The following HDAC9 variants were observed in gnomAD, a reference collection of about 807,000 sequenced individuals.
HDAC9 encodes the protein histone deacetylase 9, also known as MEF-2 interacting transcription repressor (MITR) protein.
Under a neutral mutation model 139.4 loss-of-function variants are expected in HDAC9, and 41 were observed. The ratio of observed to expected loss-of-function variants is 0.29; its 90% CI spans 0.23 to 0.38. The LOEUF (loss-of-function observed/expected upper bound fraction) is 0.38, where lower values mean the gene tolerates loss of function less well. HDAC9 is among the 10% of genes least tolerant of loss of function. The pLI, the probability that HDAC9 is intolerant of heterozygous loss-of-function variation, is 1.00. For missense variants in HDAC9, 1,147 were observed against 1,297.0 expected (o/e 0.88, Z 1.78); for synonymous variants, 517 against 476.2 (o/e 1.09, Z -1.12).
At chr7:18,858,829 T>C (rs754691882) in intron 21 of HDAC9, among the ~76,000 whole-genome samples, 3 of 152,224 alleles carry the variant, frequency 2.0e-5, no homozygotes, top group South Asian at 2.1e-4. Flanking sequence ...GTCTCATTTT[T>C]ACCATGTCCT....
chr7:18,682,656 A>G (rs188523982), intron 12 of HDAC9, among the ~76,000 whole-genome samples: 1 of 152,088 alleles, frequency 6.6e-6, no homozygotes, highest in South Asian at 2.1e-4. Context: ...TGAAAATGTT[A>G]TAAAGTATAA....
intron 1 of HDAC9, among the ~76,000 whole-genome samples, chr7:18,131,124 A>C (rs1351179534): frequency 1.3e-5 from 2 of 152,154 alleles, no homozygotes; most frequent in East Asian, 3.9e-4. Flanking sequence ...GACAAATTGC[A>C]CAAAGCTTCC....
intron 6 of HDAC9, among the ~76,000 whole-genome samples, chr7:18,609,267 A>G (rs1836421489): frequency 6.6e-6 from 1 of 152,194 alleles, no homozygotes; most frequent in Admixed American, 6.5e-5. Context: ...GCCACTTGAA[A>G]TTGAACACTT....
chr7:18,356,505 C>T (rs1362767912), intron 1 of HDAC9, among the ~76,000 whole-genome samples: 1 of 151,772 alleles, frequency 6.6e-6, no homozygotes, highest in Non-Finnish European at 1.5e-5. Context: ...GTGACTCCTG[C>T]GAATGAATCC....
intron 1 of HDAC9, among the ~76,000 whole-genome samples, chr7:18,375,796 C>T (rs1784953659): frequency 6.6e-6 from 1 of 152,198 alleles, no homozygotes; most frequent in Non-Finnish European, 1.5e-5. Flanking sequence ...TAACCAGCTG[C>T]AAGGTCCTGG....
intron 11 of HDAC9, among the ~76,000 whole-genome samples, chr7:18,654,436 C>T (rs139392398): frequency 7.2e-5 from 11 of 152,176 alleles, no homozygotes; most frequent in African/African-American, 2.4e-4. Context: ...AGCTGGACTC[C>T]ATACCAGAAT....
chr7:18,674,985 TATA>T (rs1269475510), intron 12 of HDAC9, among the ~76,000 whole-genome samples: 1 of 152,020 alleles, frequency 6.6e-6, no homozygotes, highest in Non-Finnish European at 1.5e-5. Context: ...TAGATAAAAA[TATA>T]ATATCTAGAT....
At chr7:18,399,771 T>C (rs1272958997) in intron 1 of HDAC9, among the ~76,000 whole-genome samples, 1 of 152,180 alleles carries the variant, frequency 6.6e-6, no homozygotes, top group South Asian at 2.1e-4. Context: ...CTCCTGTCTC[T>C]CCAAGATATT....
At chr7:18,973,445 T>G (rs1000677778) in intron 24 of HDAC9, among the ~76,000 whole-genome samples, 1 of 152,182 alleles carries the variant, frequency 6.6e-6, no homozygotes, top group Non-Finnish European at 1.5e-5. Context: ...ATATGGAATT[T>G]TCAACTTGGG....
At chr7:18,137,773 G>A (rs1486094747) in intron 1 of HDAC9, among the ~76,000 whole-genome samples, 1 of 151,876 alleles carries the variant, frequency 6.6e-6, no homozygotes, top group South Asian at 2.1e-4. Flanking sequence ...TCTCTTTTTT[G>A]GTTGTGTCTC....
At position 18,290,609 on chromosome 7, in the gene HDAC9, C is replaced by T. The variant is rs114889178; in HGVS notation, c.-42+94C>T. 1,214 of 449,378 alleles carry T rather than the reference C, an allele frequency of 2.7e-3. 14 individuals are homozygous for T. The highest frequency in any genetic ancestry group is 0.022 in the African/African-American group (1,107 of 49,638). The allele number at this position is 449,378 out of a possible 1,614,324, so 27.8% of individuals were successfully genotyped here. On this transcript the variant is annotated intron_variant, in intron 1 of 3. Coordinates refer to the HDAC9 transcript ENST00000413509. ...TGACTCTGCAAATCGTCTTTAATAA[C>T]TTGTAGGCTGTGGAAAGATAAACTT...
chr7:18,743,426 A>AT (rs969679578), intron 13 of HDAC9, among the ~76,000 whole-genome samples: 2 of 152,168 alleles, frequency 1.3e-5, no homozygotes, highest in African/African-American at 4.8e-5. Context: ...CAATTTATCA[A>AT]TTTTTTTAAA....
intron 13 of HDAC9, among the ~76,000 whole-genome samples, chr7:18,741,027 G>T (rs763584734): frequency 2.0e-5 from 3 of 152,164 alleles, no homozygotes; most frequent in Non-Finnish European, 2.9e-5. Context: ...AGCCAGCAGA[G>T]GTTGGCTCTT....
intron 12 of HDAC9, among the ~76,000 whole-genome samples, chr7:18,723,866 T>C (rs937149698): frequency 2.6e-5 from 4 of 152,176 alleles, no homozygotes; most frequent in Non-Finnish European, 2.9e-5. Flanking sequence ...TTTCCAAATA[T>C]CTATTGCATT....
At chr7:18,395,659 C>T (rs904188696) in intron 1 of HDAC9, among the ~76,000 whole-genome samples, 1 of 151,702 alleles carries the variant, frequency 6.6e-6, no homozygotes, top group Non-Finnish European at 1.5e-5. Flanking sequence ...TATTTATGAT[C>T]ACAACAAAGA....
intron 17 of HDAC9, among the ~76,000 whole-genome samples, chr7:18,814,333 A>G (rs888790025): frequency 6.6e-6 from 1 of 152,234 alleles, no homozygotes; most frequent in African/African-American, 2.4e-5. Context: ...GAACAAATAA[A>G]TAACATAAAA....
chr7:18,337,114 A>G (rs760672008), intron 1 of HDAC9, among the ~76,000 whole-genome samples: 3 of 151,704 alleles, frequency 2.0e-5, no homozygotes, highest in Non-Finnish European at 4.4e-5. Flanking sequence ...GGAGAAATTC[A>G]TGAACAACTT....
At chr7:18,831,790 C>T (rs577538790) in intron 19 of HDAC9, among the ~76,000 whole-genome samples, 4 of 150,984 alleles carry the variant, frequency 2.6e-5, no homozygotes, top group East Asian at 1.9e-4. Flanking sequence ...ATGGCTTTTC[C>T]GTAGCCAAAA....
intron 6 of HDAC9, among the ~76,000 whole-genome samples, chr7:18,594,899 A>G (rs1322858641): frequency 6.6e-6 from 1 of 152,058 alleles, no homozygotes; most frequent in Non-Finnish European, 1.5e-5. Context: ...AGCTTGGTCT[A>G]TTGTATTTGA....
Sources: allele counts gnomAD v4.1 joint callset (sites outside exome capture counted in the v4.1 genomes callset), GRCh38; gene constraint gnomAD v4.1.1; transcripts MANE v1.5; gene names NCBI Gene and HGNC (gene_info 2026-07-23, HGNC 2026-07-21).